IMMP2L: variants seen among roughly 807,000 people sequenced by gnomAD.
The protein encoded by IMMP2L is mitochondrial inner membrane protease subunit 2.
A neutral mutation model predicts 19.3 loss-of-function variants in IMMP2L; 18 were observed. That is an observed-to-expected ratio of 0.93 (90% CI 0.64 to 1.38). IMMP2L has a LOEUF of 1.38. IMMP2L is among the 40% of genes most tolerant of loss of function. The pLI is 0.00. For missense variants in IMMP2L, 233 were observed against 218.2 expected (o/e 1.07, Z -0.43); for synonymous variants, 76 against 73.0 (o/e 1.04, Z -0.21).
At chr7:110,944,898 T>C (rs1439070888) in intron 4 of IMMP2L, among the ~76,000 whole-genome samples, 3 of 152,018 alleles carry the variant, frequency 2.0e-5, no homozygotes, top group Non-Finnish European at 2.9e-5. Context: ...ACATTTAGAA[T>C]GTTTTCTGTC....
chr7:111,363,485 C>T (rs1829450185), intron 3 of IMMP2L, among the ~76,000 whole-genome samples: 1 of 152,126 alleles, frequency 6.6e-6, no homozygotes, highest in African/African-American at 2.4e-5. Flanking sequence ...AAGTAACCCT[C>T]ATGTTTCCAT....
intron 3 of IMMP2L, among the ~76,000 whole-genome samples, chr7:111,223,740 A>T (rs768888822): frequency 1.3e-5 from 2 of 152,056 alleles, no homozygotes; most frequent in Non-Finnish European, 2.9e-5. Context: ...TGCAGCTGAA[A>T]ATTTCATACC....
chr7:111,343,313 CTT>C (rs1185848987), intron 3 of IMMP2L, among the ~76,000 whole-genome samples: 1 of 152,066 alleles, frequency 6.6e-6, no homozygotes, highest in East Asian at 1.9e-4. Context: ...ACTTCTGTGA[CTT>C]TTCCTTTCTC....
chr7:110,759,312 G>A (rs545060749), intron 5 of IMMP2L, among the ~76,000 whole-genome samples: 117 of 152,196 alleles, frequency 7.7e-4, no homozygotes, highest in Non-Finnish European at 1.3e-3. Flanking sequence ...TCCAGACCAT[G>A]AGCACCTTAT....
chr7:111,096,272 C>T (rs1797387868), intron 3 of IMMP2L, among the ~76,000 whole-genome samples: 1 of 151,704 alleles, frequency 6.6e-6, no homozygotes, highest in African/African-American at 2.4e-5. Flanking sequence ...TGTTGAGGTG[C>T]AAGGGTCTCT....
At position 111,085,455 on chromosome 7, in the gene IMMP2L, G is replaced by A. The variant is rs114009130; in HGVS notation, c.240-121890C>T. Among the ~76,000 whole-genome samples, 859 of 152,166 alleles carry A rather than the reference G, an allele frequency of 5.6e-3. 14 individuals are homozygous for A. The highest frequency in any genetic ancestry group is 0.02 in the African/African-American group (824 of 41,500). ...TTAGCTGTTAACTAAATTTTTGTGG[G>A]TTTGCGTCCCATTAATCTAGTAAGG... On this transcript the variant is annotated intron_variant, in intron 3 of 5. Transcript: ENST00000405709.
intron 3 of IMMP2L, among the ~76,000 whole-genome samples, chr7:111,433,898 C>T (rs1034199443): frequency 1.3e-5 from 2 of 151,492 alleles, no homozygotes; most frequent in East Asian, 3.9e-4. Context: ...CAACACAATC[C>T]CTATTAAATT....
intron 5 of IMMP2L, among the ~76,000 whole-genome samples, chr7:110,808,499 G>C (rs534547073): frequency 1.3e-5 from 2 of 152,052 alleles, no homozygotes; most frequent in African/African-American, 2.4e-5. Flanking sequence ...AGCTCCAGGA[G>C]TACTGTATAA....
At chr7:111,081,881 TC>T (rs1386990885) in intron 3 of IMMP2L, among the ~76,000 whole-genome samples, 1 of 152,152 alleles carries the variant, frequency 6.6e-6, no homozygotes, top group Non-Finnish European at 1.5e-5. Context: ...GTAATGAAAG[TC>T]CCGCAAACCC....
chr7:111,493,497 T>G (rs1050352332), intron 2 of IMMP2L, among the ~76,000 whole-genome samples: 2 of 150,822 alleles, frequency 1.3e-5, no homozygotes, highest in Admixed American at 1.3e-4. Context: ...GGTCAGGAGA[T>G]CGAGACCATC....
intron 3 of IMMP2L, among the ~76,000 whole-genome samples, chr7:111,349,593 C>A (rs1199247612): frequency 6.6e-6 from 1 of 152,104 alleles, no homozygotes; most frequent in Non-Finnish European, 1.5e-5. Context: ...GGAGCCTTAA[C>A]TATGCAACAG....
intron 3 of IMMP2L, among the ~76,000 whole-genome samples, chr7:111,182,991 G>A (rs1586724378): frequency 6.6e-6 from 1 of 152,068 alleles, no homozygotes; most frequent in African/African-American, 2.4e-5. Flanking sequence ...GATTGCATAA[G>A]CTTTTATATT....
At chr7:110,889,633 G>C (rs1810583439) in intron 4 of IMMP2L, among the ~76,000 whole-genome samples, 2 of 152,272 alleles carry the variant, frequency 1.3e-5, no homozygotes, top group Admixed American at 1.3e-4. Flanking sequence ...CCGTGGCCTG[G>C]GGGTTAGGGA....
chr7:111,162,249 T>C (rs1319819273), intron 3 of IMMP2L, among the ~76,000 whole-genome samples: 2 of 152,122 alleles, frequency 1.3e-5, no homozygotes, highest in Non-Finnish European at 2.9e-5. Flanking sequence ...CCAATGAGTT[T>C]TTAAAATGTC....
chr7:111,335,450 A>T (rs1826304272), intron 3 of IMMP2L, among the ~76,000 whole-genome samples: 1 of 152,136 alleles, frequency 6.6e-6, no homozygotes, highest in Admixed American at 6.6e-5. Flanking sequence ...AAAGGTTAAT[A>T]TTATATAGAA....
intron 3 of IMMP2L, among the ~76,000 whole-genome samples, chr7:111,161,673 G>C (rs957409093): frequency 6.6e-6 from 1 of 151,814 alleles, no homozygotes; most frequent in African/African-American, 2.4e-5. Context: ...AAAATTCAAG[G>C]ATGTGAATAA....
intron 1 of IMMP2L, among the ~76,000 whole-genome samples, chr7:111,524,510 T>C (rs776210887): frequency 3.3e-5 from 5 of 152,048 alleles, no homozygotes; most frequent in East Asian, 1.9e-4. Context: ...TCCCCAAGCT[T>C]GCCTTGACTG....
chr7:111,238,807 T>C (rs1428128531), intron 3 of IMMP2L, among the ~76,000 whole-genome samples: 1 of 151,950 alleles, frequency 6.6e-6, no homozygotes, highest in Admixed American at 6.6e-5. Flanking sequence ...AGACCTAGCT[T>C]GAGTAGCTTG....
At chr7:111,372,015 AC>A (rs1830299230) in intron 3 of IMMP2L, among the ~76,000 whole-genome samples, 1 of 152,054 alleles carries the variant, frequency 6.6e-6, no homozygotes, top group Non-Finnish European at 1.5e-5. Context: ...AATCACCTTG[AC>A]AAACATTTTC....
Sources: allele counts gnomAD v4.1 joint callset (sites outside exome capture counted in the v4.1 genomes callset), GRCh38; gene constraint gnomAD v4.1.1; transcripts MANE v1.5; gene names NCBI Gene and HGNC (gene_info 2026-07-23, HGNC 2026-07-21).